Variants in PSD3 observed in about 807,000 individuals in gnomAD.
The protein encoded by PSD3 is PH and SEC7 domain-containing protein 3.
A neutral mutation model predicts 105.5 loss-of-function variants in PSD3; 49 were observed. That is an observed-to-expected ratio of 0.46 (90% CI 0.37 to 0.59). The LOEUF (loss-of-function observed/expected upper bound fraction) is 0.59, where lower values mean the gene tolerates loss of function less well. Among genes scored for constraint, PSD3 ranks in the 20% least tolerant of loss-of-function variants. The pLI is 0.00. For missense variants in PSD3, 1,561 were observed against 1,263.8 expected (o/e 1.24, Z -3.57); for synonymous variants, 557 against 457.8 (o/e 1.22, Z -2.77).
At chr8:18,596,736 T>C (rs547569225) in intron 12 of PSD3, among the ~76,000 whole-genome samples, 3 of 149,710 alleles carry the variant, frequency 2.0e-5, no homozygotes, top group East Asian at 1.9e-4. Context: ...AAGAAAGGGA[T>C]AAATTACTAG....
chr8:18,842,111 CA>C (rs1814676458), intron 4 of PSD3, among the ~76,000 whole-genome samples: 1 of 152,102 alleles, frequency 6.6e-6, no homozygotes, highest in African/African-American at 2.4e-5. Context: ...TACCAAGAAG[CA>C]AAAAGTACCT....
chr8:18,930,483 G>A (rs868778448), intron 2 of PSD3, among the ~76,000 whole-genome samples: 22 of 152,056 alleles, frequency 1.4e-4, no homozygotes, highest in African/African-American at 5.1e-4. Flanking sequence ...ATTGGCATAC[G>A]CTTGGGTATC....
At chr8:18,732,943 C>T (rs1803876232) in intron 9 of PSD3, 1 of 152,062 alleles carries the variant, frequency 6.6e-6, no homozygotes, top group Non-Finnish European at 1.5e-5. Context: ...CTACACACGC[C>T]CCCTCCCTAT....
Position 18,535,455 on chromosome 8 carries a change from A to G in PSD3, c.*288T>C, listed in dbSNP as rs535866228. On this transcript the variant is annotated 3_prime_UTR_variant, in exon 16 of 16. Transcript: ENST00000327040. ...AAAACAACTGAGCAGACTGCAAACA[A>G]GAGAAAACCAAAAGAGAAGGGATAC... The G allele has an allele frequency of 2.5e-6, 1 of 400,686 alleles. No individual in the cohort carries two copies. Among genetic ancestry groups the G allele is most frequent in the Admixed American group, 4.0e-5 (1 of 24,790 alleles). 24.8% of individuals were successfully genotyped at this position (400,686 alleles called of 1,614,324 possible). A position where few individuals can be genotyped will look rare whatever the true frequency, so the allele number is the denominator to read the frequency against.
At chr8:18,621,797 G>C (rs1291999287) in intron 11 of PSD3, among the ~76,000 whole-genome samples, 1 of 152,146 alleles carries the variant, frequency 6.6e-6, no homozygotes, top group African/African-American at 2.4e-5. Flanking sequence ...TACTTAAAGA[G>C]TCTTGCTCTA....
At chr8:18,959,003 C>T (rs1823748624) in intron 1 of PSD3, among the ~76,000 whole-genome samples, 2 of 151,868 alleles carry the variant, frequency 1.3e-5, no homozygotes, top group Admixed American at 6.6e-5. Context: ...TCACTGCAAC[C>T]TGCACCTCTT....
intron 4 of PSD3, among the ~76,000 whole-genome samples, chr8:18,807,958 TAA>T (rs1395105523): frequency 6.6e-6 from 1 of 152,062 alleles, no homozygotes; most frequent in African/African-American, 2.4e-5. Context: ...AACATTTTTT[TAA>T]AAAGAGACTT....
chr8:18,543,535 C>G (rs773029778), intron 15 of PSD3, among the ~76,000 whole-genome samples: 8 of 151,736 alleles, frequency 5.3e-5, no homozygotes, highest in Non-Finnish European at 1.0e-4. Context: ...GGAGAATGGC[C>G]TGAACCCAGG....
intron 9 of PSD3, among the ~76,000 whole-genome samples, chr8:18,747,549 G>A (rs1334139101): frequency 6.6e-6 from 1 of 152,140 alleles, no homozygotes; most frequent in African/African-American, 2.4e-5. Flanking sequence ...ATATTAAAGT[G>A]GGAAAATGAA....
chr8:19,053,459 CAA>C (rs1486185396), intron 1 of PSD3, among the ~76,000 whole-genome samples: 12 of 152,076 alleles, frequency 7.9e-5, no homozygotes, highest in Non-Finnish European at 1.6e-4. Flanking sequence ...AGTAAGGAAA[CAA>C]AGAGACTTAA....
intron 15 of PSD3, among the ~76,000 whole-genome samples, chr8:18,551,036 AT>A (rs1406258699): frequency 6.6e-6 from 1 of 152,196 alleles, no homozygotes; most frequent in African/African-American, 2.4e-5. Context: ...TTGCACTTTT[AT>A]GATCCAGACC....
intron 11 of PSD3, among the ~76,000 whole-genome samples, chr8:18,620,342 GTTTTTTT>G (rs57785765): frequency 8.2e-6 from 1 of 121,736 alleles, no homozygotes; most frequent in Non-Finnish European, 1.7e-5. Context: ...TTGGGTTTGT[GTTTTTTT>G]TTTTTTTTTT....
chr8:18,864,116 A>G (rs545372271), intron 4 of PSD3, among the ~76,000 whole-genome samples: 1 of 152,384 alleles, frequency 6.6e-6, no homozygotes, highest in African/African-American at 2.4e-5. Flanking sequence ...AGGCAATAGC[A>G]AAGCAAATAC....
intron 9 of PSD3, among the ~76,000 whole-genome samples, chr8:18,702,295 A>T (rs1017927863): frequency 2.0e-5 from 3 of 152,178 alleles, no homozygotes; most frequent in African/African-American, 7.2e-5. Flanking sequence ...TGATGGAGGA[A>T]ATTTTTTGGT....
intron 11 of PSD3, among the ~76,000 whole-genome samples, chr8:18,630,333 A>G (rs913491679): frequency 6.6e-6 from 1 of 151,976 alleles, no homozygotes; most frequent in African/African-American, 2.4e-5. Flanking sequence ...TCAACTGCTA[A>G]GCAATCCTCA....
At chr8:19,036,255 C>T (rs935600460) in intron 1 of PSD3, among the ~76,000 whole-genome samples, 3 of 152,112 alleles carry the variant, frequency 2.0e-5, no homozygotes, top group Non-Finnish European at 4.4e-5. Flanking sequence ...CAAATCTTGT[C>T]AACTTCCCCA....
chr8:18,748,614 C>A (rs963270292), intron 9 of PSD3, among the ~76,000 whole-genome samples: 4 of 147,602 alleles, frequency 2.7e-5, no homozygotes, highest in African/African-American at 7.6e-5. Context: ...GAGCTGAGAT[C>A]GCGCCACTGC....
chr8:18,562,950 AAAACC>A (rs1173896066), intron 14 of PSD3, among the ~76,000 whole-genome samples: 4 of 151,826 alleles, frequency 2.6e-5, no homozygotes, highest in Non-Finnish European at 5.9e-5. Flanking sequence ...AAAACAAAAC[AAAACC>A]AAACCTATGT....
intron 15 of PSD3, among the ~76,000 whole-genome samples, chr8:18,554,981 T>C (rs991816170): frequency 6.6e-5 from 10 of 151,998 alleles, no homozygotes; most frequent in African/African-American, 1.9e-4. Flanking sequence ...GGGAGGCCAG[T>C]GTGGGAAAGA....
Sources: allele counts gnomAD v4.1 joint callset (sites outside exome capture counted in the v4.1 genomes callset), GRCh38; gene constraint gnomAD v4.1.1; transcripts MANE v1.5; gene names NCBI Gene and HGNC (gene_info 2026-07-23, HGNC 2026-07-21).